CLSTN1: variants seen among roughly 807,000 people sequenced by gnomAD.
The protein encoded by CLSTN1 is calsyntenin-1.
CLSTN1 carries 28 observed loss-of-function variants against 108.3 expected under a neutral mutation model. That is an observed-to-expected ratio of 0.26 (90% confidence interval 0.19 to 0.35). The LOEUF (loss-of-function observed/expected upper bound fraction) is 0.35. CLSTN1 is among the 10% of genes least tolerant of loss of function. CLSTN1 has a pLI of 1.00. For missense variants in CLSTN1, 1,157 were observed against 1,302.6 expected (o/e 0.89, Z 1.72); for synonymous variants, 524 against 534.9 (o/e 0.98, Z 0.28).
rs76908323 is a variant in CLSTN1, at chr1:9,732,374, T to G, written c.2428-478A>C. Among the ~76,000 whole-genome samples, 843 of 152,274 alleles carry G rather than the reference T, an allele frequency of 5.5e-3. 1 individual carries two copies. The highest frequency in any genetic ancestry group is 9.7e-3 in the Non-Finnish European group (657 of 68,026). On this transcript the variant is annotated intron_variant, in intron 16 of 18. Coordinates refer to ENST00000377298, the MANE Select transcript of CLSTN1 (RefSeq NM_001009566.3). ...CCACGCACCTGGCTGCAATCCATTT[T>G]TATTGCATTTTATAAAAGATTATGC...
At chr1:9,795,008 T>C (rs2101241322) in intron 1 of CLSTN1, among the ~76,000 whole-genome samples, 1 of 146,054 alleles carries the variant, frequency 6.8e-6, no homozygotes, top group Admixed American at 7.0e-5. Flanking sequence ...AATAAATCCA[T>C]GAAGGCTAAT....
chr1:9,751,118 G>C (rs1311416448), intron 5 of CLSTN1, among the ~76,000 whole-genome samples: 1 of 151,828 alleles, frequency 6.6e-6, no homozygotes, highest in South Asian at 2.1e-4. Context: ...CAGAAAATGA[G>C]ACAAACTAAA....
intron 12 of CLSTN1, 88 bp from the exon 13 acceptor site, chr1:9,735,703 C>T: frequency 1.3e-6 from 2 of 1,559,364 alleles, no homozygotes; most frequent in South Asian, 1.1e-5. Flanking sequence ...AGGGGACTGG[C>T]CTGGGTTCGA....
At chr1:9,786,714 C>T (rs1351012040) in intron 1 of CLSTN1, among the ~76,000 whole-genome samples, 1 of 150,014 alleles carries the variant, frequency 6.7e-6, no homozygotes, top group Non-Finnish European at 1.5e-5. Context: ...CATCTGGATC[C>T]ACTCTCTTGC....
chr1:9,749,780 G>A lies in CLSTN1; in HGVS notation c.783C>T (p.Cys261=). 2 of 1,614,208 alleles carry A rather than the reference G, an allele frequency of 1.2e-6. No individual in the cohort carries two copies. Among genetic ancestry groups the A allele is most frequent in the Non-Finnish European group, 1.7e-6 (2 of 1,180,040 alleles). Residue 261 remains cysteine, a synonymous_variant, in exon 6 of 19, where the codon TGC becomes TGT. Coordinates refer to ENST00000377298, the MANE Select transcript of CLSTN1 (RefSeq NM_001009566.3). ...VLVKISIKPT[C]TPGWQGWNNR... is the part of the protein sequence containing the mutation. Reference sequence around the variant, plus strand: ...GAAGCTCACCTTGCCACCCAGGGGTGCAGGTGGGCTTAATGCTGATCTTCA... The same window carrying A: ...GAAGCTCACCTTGCCACCCAGGGGTACAGGTGGGCTTAATGCTGATCTTCA...
intron 10 of CLSTN1, among the ~76,000 whole-genome samples, chr1:9,739,522 G>T (rs1650864159): frequency 6.6e-6 from 1 of 152,048 alleles, no homozygotes; most frequent in Non-Finnish European, 1.5e-5. Flanking sequence ...ACCACCCAAG[G>T]GCTCCATGGC....
intron 2 of CLSTN1, among the ~76,000 whole-genome samples, chr1:9,759,103 G>A (rs565096894): frequency 6.6e-6 from 1 of 152,220 alleles, no homozygotes; most frequent in Middle Eastern, 3.4e-3. Context: ...GCTCCCCTTG[G>A]CACAGCAAGT....
Position 9,802,822 on chromosome 1 carries a change from G to T in CLSTN1, c.91+20821C>A, listed in dbSNP as rs982792727. 5.5e-5 allele frequency among the ~76,000 whole-genome samples: 6 copies of T among 108,840 alleles called. No individual in the cohort carries two copies. The East Asian group carries it at 9.2e-4, about 17-fold the overall frequency. The allele number at this position is 108,840 out of a possible 152,430, so 71.4% of individuals were successfully genotyped here. A position where few individuals can be genotyped will look rare whatever the true frequency, so the allele number is the denominator to read the frequency against. On this transcript the variant is annotated intron_variant, in intron 1 of 18. Coordinates refer to ENST00000377298, the MANE Select transcript of CLSTN1 (RefSeq NM_001009566.3). Reference sequence around the variant, plus strand: ...TATAATTAAGGAGCTGATTTTCTTAGATTTTTTTTTTTTTTTTTTTGAGAC... The same window carrying T: ...TATAATTAAGGAGCTGATTTTCTTATATTTTTTTTTTTTTTTTTTTGAGAC...
At position 9,744,122 on chromosome 1, in the gene CLSTN1, C is replaced by T. The variant is rs1284507804; in HGVS notation, c.1235-117G>A. On this transcript the variant is annotated intron_variant, in intron 8 of 18. Transcript: ENST00000377298. The stretch of plus-strand genomic sequence containing the variant: ...TCATCTGCATAAATGAACTCTTCGG[C>T]TAAGCCAAGGCAGGGCTTAGAAACA... The T allele has an allele frequency of 2.1e-6, 3 of 1,411,280 alleles. No homozygotes were observed. In the African/African-American group the frequency reaches 4.3e-5, roughly 20 times the overall value. 87.4% of individuals were successfully genotyped at this position (1,411,280 alleles called of 1,614,324 possible).
intron 16 of CLSTN1, among the ~76,000 whole-genome samples, chr1:9,732,428 T>C (rs927632307): frequency 1.3e-5 from 2 of 152,224 alleles, no homozygotes; most frequent in Non-Finnish European, 2.9e-5. Flanking sequence ...AAGAAGCCGA[T>C]GGTCCTTCCC....
chr1:9,813,642 C>G (rs1042047845), intron 1 of CLSTN1, among the ~76,000 whole-genome samples: 14 of 152,142 alleles, frequency 9.2e-5, no homozygotes, highest in African/African-American at 3.4e-4. Flanking sequence ...CTGAAATATG[C>G]AAAACTCAGT....
At chr1:9,816,736 C>G (rs2101342735) in intron 1 of CLSTN1, among the ~76,000 whole-genome samples, 1 of 151,898 alleles carries the variant, frequency 6.6e-6, no homozygotes, top group South Asian at 2.1e-4. Context: ...AACCTCCGCC[C>G]CCTGGGTTCA....
chr1:9,788,047 G>A (rs1039983725), intron 1 of CLSTN1, among the ~76,000 whole-genome samples: 1 of 151,336 alleles, frequency 6.6e-6, no homozygotes, highest in Non-Finnish European at 1.5e-5. Flanking sequence ...TTGAGTTCAG[G>A]AGTTCAAGAT....
At chr1:9,732,802 A>T (rs1443823356) in intron 16 of CLSTN1, among the ~76,000 whole-genome samples, 1 of 152,168 alleles carries the variant, frequency 6.6e-6, no homozygotes, top group Non-Finnish European at 1.5e-5. Context: ...AGCCCCTCTC[A>T]ACCTGGGCCG....
intron 1 of CLSTN1, among the ~76,000 whole-genome samples, chr1:9,793,509 G>A (rs1653859469): frequency 6.6e-6 from 1 of 151,496 alleles, no homozygotes; most frequent in Non-Finnish European, 1.5e-5. Flanking sequence ...CAGGTTTGCT[G>A]TGGAACAATT....
chr1:9,794,259 G>A (rs1653893307), intron 1 of CLSTN1, among the ~76,000 whole-genome samples: 1 of 151,478 alleles, frequency 6.6e-6, no homozygotes, highest in Non-Finnish European at 1.5e-5. Context: ...CAAATCCAAT[G>A]CCAAACCACT....
chr1:9,803,336 A>G (rs1011822473), intron 1 of CLSTN1, among the ~76,000 whole-genome samples: 2 of 152,194 alleles, frequency 1.3e-5, no homozygotes, highest in Non-Finnish European at 2.9e-5. Flanking sequence ...AAACAAACCA[A>G]CAAACCACCC....
intron 1 of CLSTN1, among the ~76,000 whole-genome samples, chr1:9,809,767 G>C (rs977982032): frequency 1.3e-5 from 2 of 151,638 alleles, no homozygotes; most frequent in African/African-American, 2.4e-5. Flanking sequence ...CGGGCGCGGT[G>C]GTGGGTGCCT....
intron 1 of CLSTN1, among the ~76,000 whole-genome samples, chr1:9,822,126 G>C (rs1432520966): frequency 1.3e-5 from 2 of 152,170 alleles, no homozygotes; most frequent in African/African-American, 4.8e-5. Context: ...TTTAAAATGT[G>C]TGGGTTTTCC....
Sources: allele counts gnomAD v4.1 joint callset (sites outside exome capture counted in the v4.1 genomes callset), GRCh38; gene constraint gnomAD v4.1.1; transcripts MANE v1.5; gene names NCBI Gene and HGNC (gene_info 2026-07-23, HGNC 2026-07-21).